SPTLC1: variants seen among roughly 807,000 people sequenced by gnomAD.
The protein encoded by SPTLC1 is serine palmitoyltransferase 1.
A neutral mutation model predicts 68.9 loss-of-function variants in SPTLC1; 55 were observed. The ratio of observed to expected loss-of-function variants is 0.80; its 90% CI spans 0.64 to 1.00. The LOEUF is 1.00. SPTLC1 is among the 50% of genes least tolerant of loss of function. The pLI, the probability that SPTLC1 is intolerant of heterozygous loss-of-function variation, is 0.00. For synonymous variants in SPTLC1, 197 were observed against 201.6 expected (o/e 0.98, Z 0.19); for missense variants, 449 against 573.1 (o/e 0.78, Z 2.21).
intron 3 of SPTLC1, among the ~76,000 whole-genome samples, chr9:92,093,546 C>A (rs762424305): frequency 6.6e-6 from 1 of 151,910 alleles, no homozygotes; most frequent in South Asian, 2.1e-4. Flanking sequence ...AAAAACTCAA[C>A]GAAATCAACA....
At position 92,032,613 on chromosome 9, in the gene SPTLC1, C is replaced by T; in HGVS notation, c.1329-55G>A. The T allele has an allele frequency of 2.5e-6, 4 of 1,610,684 alleles. No homozygotes were observed. In the South Asian group the frequency reaches 4.4e-5, roughly 18 times the overall value. ...TCTTTGTGGGCCAGGCGCAGTGGCT[C>T]ACGCCTGTAATCCCAGCACTTTGGA... On this transcript the variant is annotated intron_variant, in intron 14 of 14. Coordinates refer to ENST00000262554, the MANE Select transcript of SPTLC1 (RefSeq NM_006415.4).
At chr9:92,072,534 T>C (rs921905346) in intron 5 of SPTLC1, among the ~76,000 whole-genome samples, 4 of 152,076 alleles carry the variant, frequency 2.6e-5, no homozygotes, top group African/African-American at 9.7e-5. Flanking sequence ...TGTCTCTTTC[T>C]TTCCCCTCAA....
At chr9:92,114,793 AAGAC>A (rs1836383802) in intron 1 of SPTLC1, 2 of 157,198 alleles carry the variant, frequency 1.3e-5, no homozygotes, top group African/African-American at 5.0e-5. Flanking sequence ...GTATCTTTAT[AAGAC>A]AGAAAACTGA....
Position 92,059,195 on chromosome 9 carries a change from T to A in SPTLC1, c.674A>T (p.Glu225Val). The part of the protein sequence containing the change: ...ADLERLLKEQ[E>V]IEDQKNPRKA... ...GAATCATACCTTTTGATCTTCGATC[T>A]CTTGTTCTTTTAGTAGTCGCTCGAG... is the stretch of plus-strand genomic sequence containing the variant. Residue 225 changes from glutamate to valine, a missense_variant, in exon 7 of 15, where the codon GAG becomes GTG. This residue lies in a region of SPTLC1 where 391 missense variants were observed against 472.1 expected (regional missense o/e 0.83). Transcript: ENST00000262554. 1 of 1,613,912 alleles carries A rather than the reference T, an allele frequency of 6.2e-7. No homozygotes were observed. The highest frequency in any genetic ancestry group is 8.5e-7 in the Non-Finnish European group (1 of 1,179,898).
At chr9:92,051,378 G>T (rs998266194) in intron 8 of SPTLC1, 4 of 536,694 alleles carry the variant, frequency 7.5e-6, no homozygotes, top group Admixed American at 6.4e-5. Context: ...AACCCCACAT[G>T]ATCATCCCAA....
At chr9:92,113,847 TTGAAA>T (rs1564123819) in intron 1 of SPTLC1, among the ~76,000 whole-genome samples, 2 of 152,368 alleles carry the variant, frequency 1.3e-5, no homozygotes, top group East Asian at 3.9e-4. Flanking sequence ...TGAAATTCAC[TTGAAA>T]TGAATGTAAG....
chr9:92,033,434 T>C (rs1295093068), intron 14 of SPTLC1, among the ~76,000 whole-genome samples: 1 of 152,228 alleles, frequency 6.6e-6, no homozygotes, highest in East Asian at 1.9e-4. Flanking sequence ...GTTTCATGCA[T>C]TTGACACATA....
chr9:92,106,177 GTGTGAAGTGACAGCC>G (rs1835976256), intron 3 of SPTLC1, among the ~76,000 whole-genome samples: 1 of 152,194 alleles, frequency 6.6e-6, no homozygotes, highest in Non-Finnish European at 1.5e-5. Flanking sequence ...AACCTTCCAA[GTGTGAAGTGACAGCC>G]TTGTGTGTGA....
intron 6 of SPTLC1, among the ~76,000 whole-genome samples, chr9:92,060,056 C>T (rs1309871918): frequency 2.0e-5 from 3 of 152,074 alleles, no homozygotes; most frequent in Non-Finnish European, 2.9e-5. Flanking sequence ...CACAGGAGGG[C>T]GAGTGGAGAG....
At chr9:92,052,588 G>A (rs1833742022) in intron 8 of SPTLC1, among the ~76,000 whole-genome samples, 1 of 150,924 alleles carries the variant, frequency 6.6e-6, no homozygotes, top group African/African-American at 2.4e-5. Context: ...GGAGTGCACT[G>A]GCGTGATCTC....
intron 1 of SPTLC1, 123 bp downstream of exon 1, chr9:92,115,191 G>C: frequency 1.1e-6 from 1 of 912,088 alleles, no homozygotes; most frequent in Admixed American, 1.9e-5. Context: ...TCCAGCAAGA[G>C]GCACCGAGTC....
At chr9:92,083,827 G>A (rs1267154806) in intron 3 of SPTLC1, among the ~76,000 whole-genome samples, 4 of 151,860 alleles carry the variant, frequency 2.6e-5, no homozygotes, top group African/African-American at 9.7e-5. Context: ...TAAATTACCT[G>A]GGGAAGTATG....
chr9:92,055,360 C>A, intron 8 of SPTLC1, 45 bp downstream of exon 8: 1 of 1,611,148 alleles, frequency 6.2e-7, no homozygotes, highest in South Asian at 1.1e-5. Context: ...GCACATCTGT[C>A]AAATAGTCCA....
At chr9:92,101,372 C>T (rs571150552) in intron 3 of SPTLC1, among the ~76,000 whole-genome samples, 2 of 151,704 alleles carry the variant, frequency 1.3e-5, no homozygotes, top group Admixed American at 1.3e-4. Context: ...ACCATCCTGG[C>T]TAACAGGATG....
intron 3 of SPTLC1, among the ~76,000 whole-genome samples, chr9:92,100,185 C>T (rs1240484554): frequency 6.6e-6 from 1 of 151,752 alleles, no homozygotes; most frequent in Non-Finnish European, 1.5e-5. Flanking sequence ...GAGGCCGAGG[C>T]GGGCAGATCA....
chr9:92,074,398 A>G (rs1301989892), intron 5 of SPTLC1, among the ~76,000 whole-genome samples: 2 of 152,026 alleles, frequency 1.3e-5, no homozygotes, highest in South Asian at 2.1e-4. Context: ...TAACTAAATT[A>G]TCCTCCTCCC....
chr9:92,097,435 G>A (rs1435536095), intron 3 of SPTLC1, among the ~76,000 whole-genome samples: 1 of 152,066 alleles, frequency 6.6e-6, no homozygotes, highest in East Asian at 1.9e-4. Flanking sequence ...ACCCAATTGT[G>A]CATCAACTGA....
chr9:92,080,445 G>A (rs1254252142), intron 4 of SPTLC1, among the ~76,000 whole-genome samples: 1 of 152,208 alleles, frequency 6.6e-6, no homozygotes, highest in African/African-American at 2.4e-5. Flanking sequence ...AGCCACATAA[G>A]AGACTCTTGC....
At chr9:92,041,840 A>G (rs1285018510) in intron 12 of SPTLC1, among the ~76,000 whole-genome samples, 1 of 152,276 alleles carries the variant, frequency 6.6e-6, no homozygotes, top group Non-Finnish European at 1.5e-5. Context: ...TAATTCAGCC[A>G]TAAGACAAAT....
Sources: gnomAD v4.1 joint callset for allele counts (sites outside exome capture counted in the v4.1 genomes callset) on GRCh38, gnomAD v4.1.1 for gene constraint, gnomAD v4.1.1 regional missense constraint, MANE v1.5 for transcripts, NCBI Gene and HGNC (gene_info 2026-07-23, HGNC 2026-07-21) for gene names.